The following PTPRT variants were observed in gnomAD, a reference collection of about 807,000 sequenced individuals.
The protein encoded by PTPRT is receptor-type tyrosine-protein phosphatase T.
PTPRT carries 56 observed loss-of-function variants against 176.8 expected under a neutral mutation model. The ratio of observed to expected loss-of-function variants is 0.32; its 90% CI spans 0.26 to 0.40. PTPRT has a LOEUF of 0.40. Among genes scored for constraint, PTPRT ranks in the 10% least tolerant of loss-of-function variants. PTPRT has a pLI of 1.00. For missense variants in PTPRT, 1,540 were observed against 1,908.2 expected, an observed-to-expected ratio of 0.81 and a Z score of 3.60; for synonymous variants, 783 against 739.0, an observed-to-expected ratio of 1.06 and a Z score of -0.96.
intron 2 of PTPRT, among the ~76,000 whole-genome samples, chr20:42,851,481 C>G (rs551235853): frequency 1.4e-4 from 22 of 152,208 alleles, no homozygotes; most frequent in Non-Finnish European, 2.4e-4. Flanking sequence ...AATTATAATA[C>G]CTCCCTGCCT....
chr20:42,718,125 G>A (rs915930464), intron 6 of PTPRT, among the ~76,000 whole-genome samples: 4 of 152,308 alleles, frequency 2.6e-5, no homozygotes, highest in South Asian at 2.1e-4. Flanking sequence ...CCAAAAACAC[G>A]TACAGAATAT....
At chr20:42,926,510 G>A (rs574318898) in intron 1 of PTPRT, among the ~76,000 whole-genome samples, 1 of 152,306 alleles carries the variant, frequency 6.6e-6, no homozygotes, top group African/African-American at 2.4e-5. Flanking sequence ...ATAATTTAGA[G>A]GGGACAGATA....
intron 2 of PTPRT, among the ~76,000 whole-genome samples, chr20:42,797,969 C>T (rs1397116307): frequency 1.3e-5 from 2 of 152,186 alleles, no homozygotes; most frequent in Admixed American, 1.3e-4. Flanking sequence ...CCAGTGTGAC[C>T]CACTTAGGAC....
chr20:42,426,276 GAGA>G (rs1568867917), intron 9 of PTPRT, among the ~76,000 whole-genome samples: 3 of 152,076 alleles, frequency 2.0e-5, no homozygotes, highest in African/African-American at 7.2e-5. Flanking sequence ...ACAAACAGAA[GAGA>G]AGAAGAGTAA....
At chr20:42,278,281 A>C (rs2057081278) in intron 13 of PTPRT, among the ~76,000 whole-genome samples, 2 of 129,984 alleles carry the variant, frequency 1.5e-5, no homozygotes, top group African/African-American at 7.5e-5. Context: ...CTCTGTTAAG[A>C]TATTTATCTA....
intron 7 of PTPRT, among the ~76,000 whole-genome samples, chr20:42,584,714 G>A (rs975914247): frequency 5.3e-5 from 8 of 152,080 alleles, no homozygotes; most frequent in African/African-American, 9.7e-5. Context: ...CGAATTCTCC[G>A]CAAACAGAAA....
chr20:42,573,392 T>A (rs1295874123), intron 7 of PTPRT, among the ~76,000 whole-genome samples: 1 of 152,126 alleles, frequency 6.6e-6, no homozygotes, highest in African/African-American at 2.4e-5. Flanking sequence ...CCTCCATAGA[T>A]AGGAGCTTTT....
chr20:42,644,948 C>A (rs6093708), intron 7 of PTPRT, among the ~76,000 whole-genome samples: 17,752 of 152,170 alleles, frequency 0.12, 1,109 homozygotes, highest in Non-Finnish European at 0.14. Flanking sequence ...AAACTGAGAC[C>A]TAGAGAAGTT....
At chr20:42,742,162 G>A (rs551424878) in intron 6 of PTPRT, among the ~76,000 whole-genome samples, 13 of 152,242 alleles carry the variant, frequency 8.5e-5, no homozygotes, top group South Asian at 4.2e-4. Flanking sequence ...AGCTAACTCC[G>A]CCTACTATGA....
intron 1 of PTPRT, among the ~76,000 whole-genome samples, chr20:43,052,956 G>A (rs1266610963): frequency 1.3e-5 from 2 of 152,076 alleles, no homozygotes; most frequent in African/African-American, 2.4e-5. Flanking sequence ...ATGTAAAGAT[G>A]TTCAAACAAA....
chr20:42,345,386 CACACACAT>C (rs2058173774), intron 11 of PTPRT, among the ~76,000 whole-genome samples: 1 of 148,638 alleles, frequency 6.7e-6, no homozygotes. Flanking sequence ...CACACACACA[CACACACAT>C]ATATATATAA....
chr20:42,577,837 CTGTGTGTGTGTGTG>C (rs11468271), intron 7 of PTPRT, among the ~76,000 whole-genome samples: 2 of 139,348 alleles, frequency 1.4e-5, no homozygotes, highest in South Asian at 2.6e-4. Flanking sequence ...CTGAGCAAGG[CTGTGTGTGTGTGTG>C]TGTGTGTGTG....
intron 11 of PTPRT, among the ~76,000 whole-genome samples, chr20:42,344,529 C>A (rs2058159200): frequency 1.3e-5 from 2 of 152,166 alleles, no homozygotes; most frequent in African/African-American, 4.8e-5. Flanking sequence ...CAACGCAAGG[C>A]ACTGACAGAG....
chr20:42,812,796 T>G (rs1332295477), intron 2 of PTPRT, among the ~76,000 whole-genome samples: 1 of 152,140 alleles, frequency 6.6e-6, no homozygotes, highest in African/African-American at 2.4e-5. Flanking sequence ...TTGTGAAAAA[T>G]TAATTCATGT....
chr20:42,465,140 T>C (rs2071082490), intron 8 of PTPRT, among the ~76,000 whole-genome samples: 2 of 131,014 alleles, frequency 1.5e-5, no homozygotes, highest in South Asian at 4.8e-4. Context: ...ATTTGTAAAA[T>C]AGAAAAAAAA....
At chr20:43,087,908 G>A (rs2011664646) in intron 1 of PTPRT, among the ~76,000 whole-genome samples, 1 of 152,128 alleles carries the variant, frequency 6.6e-6, no homozygotes, top group Non-Finnish European at 1.5e-5. Flanking sequence ...GAATGGATGG[G>A]AGCGAGATTC....
intron 7 of PTPRT, among the ~76,000 whole-genome samples, chr20:42,482,641 T>C (rs1176732135): frequency 6.6e-6 from 1 of 152,098 alleles, no homozygotes; most frequent in Non-Finnish European, 1.5e-5. Flanking sequence ...TAGTAGTAAG[T>C]GCTGTGGAGA....
intron 19 of PTPRT, among the ~76,000 whole-genome samples, chr20:42,126,997 T>G (rs542928117): frequency 6.6e-6 from 1 of 152,184 alleles, no homozygotes; most frequent in Non-Finnish European, 1.5e-5. Flanking sequence ...CCTTTGTTAA[T>G]TAGGGTGTAG....
At chr20:42,736,571 A>T (rs1004944292) in intron 6 of PTPRT, among the ~76,000 whole-genome samples, 1 of 152,200 alleles carries the variant, frequency 6.6e-6, no homozygotes, top group Non-Finnish European at 1.5e-5. Context: ...TTTGCTATAC[A>T]TGTGTAGTTT....
Sources: allele counts gnomAD v4.1 joint callset (sites outside exome capture counted in the v4.1 genomes callset), GRCh38; gene constraint gnomAD v4.1.1; transcripts MANE v1.5; gene names NCBI Gene and HGNC (gene_info 2026-07-23, HGNC 2026-07-21).